ZNF626: variants seen among roughly 807,000 people sequenced by gnomAD.
ZNF626 encodes the protein zinc finger protein 626.
ZNF626 carries 4 observed loss-of-function variants against 11.7 expected under a neutral mutation model. The ratio of observed to expected loss-of-function variants is 0.34; its 90% confidence interval spans 0.17 to 0.78. The LOEUF (loss-of-function observed/expected upper bound fraction) is 0.78, where lower values mean the gene tolerates loss of function less well. Among genes scored for constraint, ZNF626 ranks in the 30% least tolerant of loss-of-function variants. ZNF626 has a pLI of 0.57. For synonymous variants in ZNF626, 179 were observed against 198.6 expected, an observed-to-expected ratio of 0.90 and a Z score of 0.83; for missense variants, 588 against 587.1, an observed-to-expected ratio of 1.00 and a Z score of -0.01.
In ZNF626 at chr19:20,661,532, G is replaced by T; in HGVS notation, c.-86C>A. The T allele has an allele frequency of 8.7e-7, 1 of 1,154,852 alleles. No individual in the cohort carries two copies. The highest frequency in any genetic ancestry group is 1.2e-6 in the Non-Finnish European group (1 of 845,124). The allele number at this position is 1,154,852 out of a possible 1,614,324, so 71.5% of individuals were successfully genotyped here. A position where few individuals can be genotyped will look rare whatever the true frequency, so the allele number is the denominator to read the frequency against. The stretch of plus-strand genomic sequence containing the variant: ...GGGGCCACACAGCCTGGGCCTTTAG[G>T]AGAAGAACCAGACCTGGAGCTCTGA... On this transcript the variant is annotated 5_prime_UTR_variant, in exon 1 of 4. Transcript: ENST00000601440.
In ZNF626 at chr19:20,623,928, CTTTATATTTGTAGAG is replaced by C. The variant is rs1969786358; in HGVS notation, c.*347_*361del. Reference sequence around the variant, plus strand: ...AGTTCCTTAAAAAATCTGTCACATTCTTTATATTTGTAGAGTTTATATTTCATATCAATTCTTAGT... The same window carrying C: ...AGTTCCTTAAAAAATCTGTCACATTCTTTATATTTCATATCAATTCTTAGT... On this transcript the variant is annotated 3_prime_UTR_variant, in exon 4 of 4. Transcript: ENST00000601440. The C allele has an allele frequency of 8.0e-6, 3 of 375,748 alleles. No individual in the cohort carries two copies. The highest frequency in any genetic ancestry group is 2.1e-5 in the African/African-American group (1 of 46,854). The allele number at this position is 375,748 out of a possible 1,614,324, so 23.3% of individuals were successfully genotyped here.
At chr19:20,648,071 C>T (rs890107596) in intron 1 of ZNF626, among the ~76,000 whole-genome samples, 3 of 150,730 alleles carry the variant, frequency 2.0e-5, no homozygotes, top group African/African-American at 4.9e-5. Flanking sequence ...CCTGGCTACT[C>T]AGCATGCTAA....
chr19:20,653,363 T>C (rs557764739), intron 1 of ZNF626, among the ~76,000 whole-genome samples: 1 of 152,140 alleles, frequency 6.6e-6, no homozygotes, highest in Non-Finnish European at 1.5e-5. Flanking sequence ...ACTGCAAAGA[T>C]AGAAAGATGG....
intron 3 of ZNF626, among the ~76,000 whole-genome samples, chr19:20,640,220 A>G (rs1399017333): frequency 4.0e-5 from 4 of 99,262 alleles, no homozygotes; most frequent in African/African-American, 2.0e-4. Flanking sequence ...ATTAAATTCA[A>G]TTATTTAAAT....
At chr19:20,627,612 ATAAT>A (rs1354652764) in intron 3 of ZNF626, among the ~76,000 whole-genome samples, 1 of 152,094 alleles carries the variant, frequency 6.6e-6, no homozygotes, top group African/African-American at 2.4e-5. Context: ...AAATATATAT[ATAAT>A]TATCTTTCCA....
chr19:20,625,864 C>T (rs1440022496), intron 3 of ZNF626, among the ~76,000 whole-genome samples: 2 of 151,830 alleles, frequency 1.3e-5, no homozygotes, highest in African/African-American at 2.4e-5. Flanking sequence ...TGTGAAGGGC[C>T]CCAGGTGAGC....
intron 3 of ZNF626, among the ~76,000 whole-genome samples, chr19:20,628,919 TA>T (rs1310349485): frequency 4.6e-5 from 7 of 152,252 alleles, no homozygotes; most frequent in African/African-American, 1.7e-4. Flanking sequence ...GTTTTAGGTC[TA>T]ACATTTAAGT....
chr19:20,629,594 T>G (rs1479248571), intron 3 of ZNF626, among the ~76,000 whole-genome samples: 1 of 152,234 alleles, frequency 6.6e-6, no homozygotes, highest in Non-Finnish European at 1.5e-5. Context: ...GTTATTGGTA[T>G]ATAAGAATGC....
chr19:20,655,611 T>C (rs1405438294), intron 1 of ZNF626, among the ~76,000 whole-genome samples: 1 of 152,112 alleles, frequency 6.6e-6, no homozygotes, highest in Non-Finnish European at 1.5e-5. Context: ...CTACATATAT[T>C]CTAAATCCCT....
In ZNF626 at chr19:20,624,401, C is replaced by A; in HGVS notation, c.1476G>T (p.Gln492His). ...KCEECGKAFN[Q>H]SSILTTHERI... The stretch of plus-strand genomic sequence containing the variant: ...TCTCATGTGTAGTAAGGATTGAGGA[C>A]TGGTTGAAGGCTTTGCCACATTCTT... The change falls in exon 4 of 4, where the codon CAG (glutamine) becomes CAT (histidine). Residue 492 changes from glutamine to histidine, a missense_variant. By Grantham distance (24) the Gln-to-His change is conservative (BLOSUM62 0). Around this residue, in one of 4 missense-constraint regions of ZNF626, gnomAD observed 43 missense variants for 38.0 expected, o/e 1.13. Coordinates refer to ENST00000601440, the MANE Select transcript of ZNF626 (RefSeq NM_001076675.3). 1 of 717,422 alleles carries A rather than the reference C, an allele frequency of 1.4e-6. No homozygotes were observed. Among genetic ancestry groups the A allele is most frequent in the Non-Finnish European group, 2.2e-6 (1 of 451,966 alleles). 44.4% of individuals were successfully genotyped at this position (717,422 alleles called of 1,614,324 possible).
At chr19:20,634,918 C>A (rs1385390744) in intron 3 of ZNF626, among the ~76,000 whole-genome samples, 1 of 152,036 alleles carries the variant, frequency 6.6e-6, no homozygotes, top group Non-Finnish European at 1.5e-5. Flanking sequence ...AAAAGTAGAA[C>A]AATAAAACAG....
intron 1 of ZNF626, among the ~76,000 whole-genome samples, chr19:20,650,246 T>TAAA (rs74172355): frequency 0.047 from 6,745 of 144,816 alleles, 370 homozygotes; most frequent in East Asian, 0.15. Flanking sequence ...TCAAATTTGT[T>TAAA]AAAAAAAAAA....
At chr19:20,627,735 G>A (rs1370876218) in intron 3 of ZNF626, among the ~76,000 whole-genome samples, 1 of 152,078 alleles carries the variant, frequency 6.6e-6, no homozygotes, top group Non-Finnish European at 1.5e-5. Flanking sequence ...AAAAAAGACT[G>A]AAAGTGGCAA....
At chr19:20,651,374 A>G (rs1031766016) in intron 1 of ZNF626, among the ~76,000 whole-genome samples, 4 of 151,192 alleles carry the variant, frequency 2.6e-5, no homozygotes, top group African/African-American at 9.7e-5. Flanking sequence ...GTCTAGACTA[A>G]GTTTCTGGAT....
intron 3 of ZNF626, among the ~76,000 whole-genome samples, chr19:20,632,664 T>G (rs1233957134): frequency 6.6e-6 from 1 of 152,166 alleles, no homozygotes; most frequent in African/African-American, 2.4e-5. Flanking sequence ...CTTCTCTGCA[T>G]TGGTTATTCT....
chr19:20,641,302 C>T (rs1002209784), intron 3 of ZNF626, among the ~76,000 whole-genome samples: 16 of 152,016 alleles, frequency 1.1e-4, no homozygotes, highest in Non-Finnish European at 2.4e-4. Flanking sequence ...TATTATTCCA[C>T]CTTAAATAAA....
At chr19:20,632,940 T>C (rs1969923184) in intron 3 of ZNF626, among the ~76,000 whole-genome samples, 1 of 152,216 alleles carries the variant, frequency 6.6e-6, no homozygotes. Context: ...TCTTTGATGA[T>C]GGTGATGTAC....
intron 3 of ZNF626, chr19:20,645,452 A>G (rs1970065954): frequency 6.2e-7 from 1 of 1,611,806 alleles, no homozygotes; most frequent in African/African-American, 1.3e-5. Context: ...AAGCTCACTG[A>G]AAGAAAAGGA....
chr19:20,656,193 T>C (rs1970203228), intron 1 of ZNF626, among the ~76,000 whole-genome samples: 1 of 152,088 alleles, frequency 6.6e-6, no homozygotes, highest in Non-Finnish European at 1.5e-5. Context: ...ATGGGAAGAA[T>C]TCTCTCTTTA....
Sources: gnomAD v4.1 joint callset for allele counts (sites outside exome capture counted in the v4.1 genomes callset) on GRCh38, gnomAD v4.1.1 for gene constraint, gnomAD v4.1.1 regional missense constraint, MANE v1.5 for transcripts, NCBI Gene and HGNC (gene_info 2026-07-23, HGNC 2026-07-21) for gene names.